The following CACNA1C variants were observed in gnomAD, a reference collection of about 807,000 sequenced individuals.
CACNA1C encodes calcium voltage-gated channel subunit alpha1 C.
A neutral mutation model predicts 229.0 loss-of-function variants in CACNA1C; 30 were observed. That is an observed-to-expected ratio of 0.13 (90% CI 0.10 to 0.18). CACNA1C has a LOEUF of 0.18. Ranked by LOEUF, CACNA1C falls within the 10% of genes least tolerant of loss-of-function variation. The pLI, the probability that CACNA1C is intolerant of heterozygous loss-of-function variation, is 1.00. For missense variants in CACNA1C, 1,658 were observed against 2,845.0 expected, an observed-to-expected ratio of 0.58 and a Z score of 9.49; for synonymous variants, 1,114 against 1,132.5, an observed-to-expected ratio of 0.98 and a Z score of 0.33.
At chr12:2,039,554 A>G (rs2049730793) in intron 1 of CACNA1C, among the ~76,000 whole-genome samples, 1 of 152,244 alleles carries the variant, frequency 6.6e-6, no homozygotes, top group Admixed American at 6.5e-5. Context: ...GGTAAGTACA[A>G]CATCGTTCTT....
At chr12:2,298,727 C>T (rs148529793) in intron 3 of CACNA1C, among the ~76,000 whole-genome samples, 15 of 152,350 alleles carry the variant, frequency 9.8e-5, no homozygotes, top group South Asian at 6.2e-4. Context: ...CCTCTATGGC[C>T]GCAGAATTGG....
At chr12:2,397,836 A>T (rs1342379386) in intron 3 of CACNA1C, among the ~76,000 whole-genome samples, 4 of 152,272 alleles carry the variant, frequency 2.6e-5, no homozygotes, top group African/African-American at 9.6e-5. Context: ...AGGGGCAGTC[A>T]GGAGAAAGCA....
chr12:2,084,522 C>T (rs959420410), intron 1 of CACNA1C, among the ~76,000 whole-genome samples: 1 of 152,152 alleles, frequency 6.6e-6, no homozygotes, highest in Non-Finnish European at 1.5e-5. Flanking sequence ...TCTTTACCCA[C>T]GTTCTCCCGT....
chr12:2,664,673 A>G (rs2095975286), intron 34 of CACNA1C, among the ~76,000 whole-genome samples, 152 bp from the exon 35 acceptor site: 1 of 152,230 alleles, frequency 6.6e-6, no homozygotes, highest in Admixed American at 6.5e-5. Context: ...TTTAGCAAAT[A>G]TATCAGAGCA....
At chr12:2,217,671 CA>C (rs1392539845) in intron 3 of CACNA1C, 1 of 152,138 alleles carries the variant, frequency 6.6e-6, no homozygotes, top group East Asian at 1.9e-4. Context: ...TATTTCTTGA[CA>C]GAGATGGTTC....
chr12:2,523,973 T>A (rs1382434991), intron 9 of CACNA1C, among the ~76,000 whole-genome samples: 3 of 152,230 alleles, frequency 2.0e-5, no homozygotes, highest in Non-Finnish European at 4.4e-5. Context: ...TGTCAGAGGC[T>A]ATCAGTGGAG....
intron 1 of CACNA1C, among the ~76,000 whole-genome samples, chr12:2,038,104 CTG>C (rs2049455208): frequency 6.6e-6 from 1 of 152,186 alleles, no homozygotes; most frequent in South Asian, 2.1e-4. Context: ...CTGACGAAGA[CTG>C]TGCACTCAAC....
At position 2,504,550 on chromosome 12, in the gene CACNA1C, C is replaced by G. The variant is rs2238087; in HGVS notation, c.1114-292C>G. ...CGGTGTGTTGAGCGGGTAAGCTGAC[C>G]GTTTCTATGTCCTCTCCACAACGCA... On this transcript the variant is annotated intron_variant, in intron 7 of 46. Transcript: ENST00000399655. This position sits in a 1 kb window ranked among gnomAD's most constrained non-coding sequence, Gnocchi z 6.8. 6.7e-7 allele frequency: 1 copy of G among 1,483,948 alleles called. No homozygotes were observed. Among genetic ancestry groups the G allele is most frequent in the East Asian group, 2.3e-5 (1 of 44,234 alleles). 91.9% of individuals were successfully genotyped at this position (1,483,948 alleles called of 1,614,324 possible).
rs2094361545 is a variant in CACNA1C at position 2,646,474 on chromosome 12, G to A, written c.3913-2001G>A. On this transcript the variant is annotated intron_variant, in intron 30 of 46. Coordinates refer to ENST00000399655, the MANE Select transcript of CACNA1C (RefSeq NM_000719.7). This position sits in a 1 kb window ranked among gnomAD's most constrained non-coding sequence, Gnocchi z 4.6. ...GATGGTTTTCAGGATGGATCCAAGA[G>A]GCCAGCAATGGCTCAAGCTTCCTGG... 6.6e-6 allele frequency: 1 copy of A among 152,208 alleles called. No homozygotes were observed. Among genetic ancestry groups the A allele is most frequent in the Middle Eastern group, 3.2e-3 (1 of 316 alleles). The allele number at this position is 152,208 out of a possible 1,614,324, so 9.4% of individuals were successfully genotyped here. A position where few individuals can be genotyped will look rare whatever the true frequency, so the allele number is the denominator to read the frequency against.
intron 9 of CACNA1C, among the ~76,000 whole-genome samples, chr12:2,526,915 C>T (rs2099819405): frequency 6.6e-6 from 1 of 152,290 alleles, no homozygotes; most frequent in South Asian, 2.1e-4. Context: ...AGGGCCGAGC[C>T]ACTGGACAGA....
Position 2,432,310 on chromosome 12 carries a change from T to C in CACNA1C, c.478-16666T>C, listed in dbSNP as rs139970758. The stretch of plus-strand genomic sequence containing the variant: ...GTTATTGGGAATGAAAGTCACTTAC[T>C]TACAAGAAAGGAAGTGGATGGAGGG... On this transcript the variant is annotated intron_variant, in intron 3 of 46. Coordinates refer to ENST00000399655, the MANE Select transcript of CACNA1C (RefSeq NM_000719.7). 2.9e-3 allele frequency among the ~76,000 whole-genome samples: 435 copies of C among 152,308 alleles called. 1 individual carries two copies. The highest frequency in any genetic ancestry group is 9.8e-3 in the African/African-American group (406 of 41,566).
intron 3 of CACNA1C, among the ~76,000 whole-genome samples, chr12:2,166,905 T>C (rs891742379): frequency 2.0e-5 from 3 of 152,194 alleles, no homozygotes; most frequent in Non-Finnish European, 2.9e-5. Context: ...CTGCAGTGCC[T>C]GCGCCCTCCT....
intron 28 of CACNA1C, among the ~76,000 whole-genome samples, chr12:2,611,509 G>A (rs553932122): frequency 6.6e-6 from 1 of 151,092 alleles, no homozygotes; most frequent in Non-Finnish European, 1.5e-5. Context: ...GTTGATAAGT[G>A]GGGAGAGGGG....
chr12:2,516,307 G>A (rs1568166010), intron 9 of CACNA1C, among the ~76,000 whole-genome samples: 1 of 152,160 alleles, frequency 6.6e-6, no homozygotes, highest in Non-Finnish European at 1.5e-5. Flanking sequence ...ATGGTGTAAG[G>A]TGAGGCTGTG....
In CACNA1C at chr12:2,497,969, T is replaced by TCACACACACACACACACACA. The variant is rs3058710; in HGVS notation, c.1113+4598_1113+4617dup. 9.5e-3 allele frequency among the ~76,000 whole-genome samples: 1,369 copies of TCACACACACACACACACACA among 143,966 alleles called. 40 individuals are homozygous for TCACACACACACACACACACA. The East Asian group carries it at 0.1, about 11-fold the overall frequency. 94.4% of individuals were successfully genotyped at this position (143,966 alleles called of 152,430 possible). A position where few individuals can be genotyped will look rare whatever the true frequency, so the allele number is the denominator to read the frequency against. ...TGCGGAGAAGGTATTTCTATTAAAT[T>TCACACACACACACACACACA]CACACACACACACACACACACACAC... On this transcript the variant is annotated intron_variant, in intron 7 of 46. Transcript: ENST00000399655.
At chr12:2,295,428 A>G (rs1475567581) in intron 3 of CACNA1C, among the ~76,000 whole-genome samples, 2 of 152,126 alleles carry the variant, frequency 1.3e-5, no homozygotes, top group Admixed American at 6.5e-5. Flanking sequence ...TACTGTGCAC[A>G]TGAGCCCTGT....
chr12:2,524,535 C>T (rs887345081), intron 9 of CACNA1C, among the ~76,000 whole-genome samples: 3 of 152,228 alleles, frequency 2.0e-5, no homozygotes, highest in African/African-American at 7.2e-5. Flanking sequence ...CAAATGAAAT[C>T]TCAGTTGCTT....
Position 2,067,846 on chromosome 12 carries a change from C to G in CACNA1C, c.49+14235C>G, listed in dbSNP as rs1466171512. The stretch of plus-strand genomic sequence containing the variant: ...AATACTTACCTTCACACTGTTCCCA[C>G]CCCTGTCTTTCCATGCCCTTCCATC... On this transcript the variant is annotated intron_variant, in intron 1 of 46. Coordinates refer to ENST00000399655, the MANE Select transcript of CACNA1C (RefSeq NM_000719.7). This position sits in a 1 kb window ranked among gnomAD's most constrained non-coding sequence, Gnocchi z 5.3. Among the ~76,000 whole-genome samples the G allele has an allele frequency of 6.6e-6, 1 of 152,172 alleles. No individual in the cohort carries two copies. Among genetic ancestry groups the G allele is most frequent in the Non-Finnish European group, 1.5e-5 (1 of 68,036 alleles).
At chr12:2,574,011 T>C (rs1478154942) in intron 13 of CACNA1C, among the ~76,000 whole-genome samples, 1 of 152,224 alleles carries the variant, frequency 6.6e-6, no homozygotes, top group African/African-American at 2.4e-5. Flanking sequence ...ATGAAGATCA[T>C]TCATCCTCTT....
Sources: allele counts gnomAD v4.1 joint callset (sites outside exome capture counted in the v4.1 genomes callset), GRCh38; gene constraint gnomAD v4.1.1; non-coding constraint Gnocchi (gnomAD v3.1); transcripts MANE v1.5; gene names NCBI Gene and HGNC (gene_info 2026-07-23, HGNC 2026-07-21).